Variants in GSG1L observed in about 807,000 individuals in gnomAD.
The protein encoded by GSG1L is GSG1 like, also known as germ cell-specific gene 1-like protein.
A neutral mutation model predicts 42.1 loss-of-function variants in GSG1L; 24 were observed. The ratio of observed to expected loss-of-function variants is 0.57; its 90% CI spans 0.41 to 0.80. GSG1L has a LOEUF of 0.80. Among genes scored for constraint, GSG1L ranks in the 30% least tolerant of loss-of-function variants. The pLI is 0.00. For missense variants in GSG1L, 445 were observed against 472.2 expected (o/e 0.94, Z 0.53); for synonymous variants, 215 against 203.5 (o/e 1.06, Z -0.48).
intron 1 of GSG1L, among the ~76,000 whole-genome samples, chr16:28,051,920 A>G (rs967804815): frequency 6.6e-6 from 1 of 152,166 alleles, no homozygotes; most frequent in Admixed American, 6.5e-5. Context: ...GATAAACAGA[A>G]GCAGGATGAC....
intron 2 of GSG1L, among the ~76,000 whole-genome samples, chr16:27,910,389 C>A (rs891700144): frequency 6.6e-6 from 1 of 152,156 alleles, no homozygotes; most frequent in Non-Finnish European, 1.5e-5. Flanking sequence ...ACTACTCATG[C>A]TGTTTGAATC....
intron 1 of GSG1L, among the ~76,000 whole-genome samples, chr16:28,043,125 A>G (rs2086125940): frequency 6.6e-6 from 1 of 152,174 alleles, no homozygotes; most frequent in Non-Finnish European, 1.5e-5. Context: ...AGGGGCAGAG[A>G]GAATGTTTCT....
chr16:27,833,908 A>C (rs1286883703), intron 4 of GSG1L, among the ~76,000 whole-genome samples: 1 of 152,142 alleles, frequency 6.6e-6, no homozygotes, highest in Non-Finnish European at 1.5e-5. Flanking sequence ...TATTTCTATT[A>C]CAATCTGTAT....
At chr16:27,923,107 T>C (rs1326675214) in intron 2 of GSG1L, among the ~76,000 whole-genome samples, 1 of 152,150 alleles carries the variant, frequency 6.6e-6, no homozygotes, top group African/African-American at 2.4e-5. Flanking sequence ...AACATACTAT[T>C]TGCATGAACT....
At chr16:28,058,721 C>T (rs1567573606) in intron 1 of GSG1L, among the ~76,000 whole-genome samples, 1 of 151,840 alleles carries the variant, frequency 6.6e-6, no homozygotes, top group Non-Finnish European at 1.5e-5. Flanking sequence ...TGAAACACAT[C>T]GAATATGACA....
intron 1 of GSG1L, among the ~76,000 whole-genome samples, chr16:28,035,019 A>G (rs1411727702): frequency 6.6e-6 from 1 of 151,932 alleles, no homozygotes; most frequent in African/African-American, 2.4e-5. Context: ...GTGTTTTATT[A>G]TTATTGTTAT....
chr16:27,867,813 C>T (rs1489363341), intron 3 of GSG1L, among the ~76,000 whole-genome samples: 1 of 152,110 alleles, frequency 6.6e-6, no homozygotes, highest in Non-Finnish European at 1.5e-5. Context: ...TGAGGCCACG[C>T]CCCCTGAGGC....
chr16:27,944,763 G>A (rs1226913936), intron 2 of GSG1L, among the ~76,000 whole-genome samples: 1 of 151,900 alleles, frequency 6.6e-6, no homozygotes, highest in Non-Finnish European at 1.5e-5. Context: ...CCTATAATTA[G>A]CAAATCTATA....
In GSG1L at chr16:28,040,766, G is replaced by A. The variant is rs912925469; in HGVS notation, c.349+22310C>T. ...GGTGGCTCTGGAGCCCCACATGCCCGCCCCAGGCAGGGTAGTGCTGACTGG... is the reference window on the plus strand; with the variant it reads ...GGTGGCTCTGGAGCCCCACATGCCCACCCCAGGCAGGGTAGTGCTGACTGG... On this transcript the variant is annotated intron_variant, in intron 1 of 6. Coordinates refer to ENST00000447459, the MANE Select transcript of GSG1L (RefSeq NM_001109763.2). The surrounding 1 kb of genome is among the most constrained non-coding windows in gnomAD (Gnocchi z 4.1). 3.3e-5 allele frequency among the ~76,000 whole-genome samples: 5 copies of A among 152,148 alleles called. No homozygotes were observed. The highest frequency in any genetic ancestry group is 9.7e-5 in the African/African-American group (4 of 41,446).
Position 28,009,529 on chromosome 16 carries a change from G to A in GSG1L, c.350-46326C>T, listed in dbSNP as rs549547860. 3.3e-5 allele frequency among the ~76,000 whole-genome samples: 5 copies of A among 152,268 alleles called. No homozygotes were observed. The South Asian group carries it at 6.2e-4, about 19-fold the overall frequency. Reference sequence around the variant, plus strand: ...CCTGTATCACTCACCACTGATTACCGAGTATCTGGTGCCTAGCACAGGGCG... The same window carrying A: ...CCTGTATCACTCACCACTGATTACCAAGTATCTGGTGCCTAGCACAGGGCG... On this transcript the variant is annotated intron_variant, in intron 1 of 6. Transcript: ENST00000447459.
chr16:27,911,286 T>TCG (rs2084387377), intron 2 of GSG1L, among the ~76,000 whole-genome samples: 4 of 150,710 alleles, frequency 2.7e-5, no homozygotes, highest in African/African-American at 9.8e-5. Flanking sequence ...TCTCTCTCTC[T>TCG]CTCTCTCTCC....
intron 1 of GSG1L, among the ~76,000 whole-genome samples, chr16:28,005,097 G>A (rs1034052608): frequency 1.2e-4 from 18 of 152,152 alleles, no homozygotes; most frequent in Admixed American, 8.5e-4. Context: ...GGCTGTGGGG[G>A]AAGGATCTGT....
chr16:27,806,759 T>G (rs1370504966), intron 6 of GSG1L, among the ~76,000 whole-genome samples: 1 of 152,198 alleles, frequency 6.6e-6, no homozygotes, highest in Non-Finnish European at 1.5e-5. Flanking sequence ...CCTCTGCCAG[T>G]GATTAGCTAA....
chr16:28,033,871 G>GTATATT (rs2085995894), intron 1 of GSG1L, among the ~76,000 whole-genome samples: 1 of 152,164 alleles, frequency 6.6e-6, no homozygotes, highest in African/African-American at 2.4e-5. Flanking sequence ...ATTAAGAAGA[G>GTATATT]AAAATCGCAC....
At position 28,011,079 on chromosome 16, in the gene GSG1L, G is replaced by A. The variant is rs115352410; in HGVS notation, c.350-47876C>T. Among the ~76,000 whole-genome samples the A allele has an allele frequency of 3.6e-3, 541 of 152,260 alleles. 1 individual carries two copies. Among genetic ancestry groups the A allele is most frequent in the African/African-American group, 0.012 (513 of 41,542 alleles). On this transcript the variant is annotated intron_variant, in intron 1 of 6. Coordinates refer to ENST00000447459, the MANE Select transcript of GSG1L (RefSeq NM_001109763.2). Reference sequence around the variant, plus strand: ...GAATGAAAGGCAGCCCTGTACACACGCCCAGATGGCTGTTTAGAAAAGAAC... The same window carrying A: ...GAATGAAAGGCAGCCCTGTACACACACCCAGATGGCTGTTTAGAAAAGAAC...
At chr16:27,976,519 C>T (rs1398347083) in intron 1 of GSG1L, among the ~76,000 whole-genome samples, 1 of 152,118 alleles carries the variant, frequency 6.6e-6, no homozygotes, top group East Asian at 1.9e-4. Context: ...GAATGTATGG[C>T]CACAGTGAGA....
At chr16:27,819,516 C>G (rs1482697771) in intron 5 of GSG1L, among the ~76,000 whole-genome samples, 1 of 152,144 alleles carries the variant, frequency 6.6e-6, no homozygotes, top group Non-Finnish European at 1.5e-5. Flanking sequence ...GGAGGGAGAA[C>G]AGACGTGAGG....
intron 3 of GSG1L, among the ~76,000 whole-genome samples, chr16:27,845,708 C>T (rs12927963): frequency 0.016 from 2,452 of 152,254 alleles, 24 homozygotes; most frequent in Non-Finnish European, 0.025. Context: ...TTATATTTCT[C>T]TTAGTACTAG....
chr16:27,990,838 C>T (rs111845872), intron 1 of GSG1L, among the ~76,000 whole-genome samples: 2 of 152,242 alleles, frequency 1.3e-5, no homozygotes, highest in South Asian at 2.1e-4. Context: ...TGGGTATATA[C>T]CCAGTAATGG....
Sources: gnomAD v4.1 joint callset for allele counts (sites outside exome capture counted in the v4.1 genomes callset) on GRCh38, gnomAD v4.1.1 for gene constraint, Gnocchi (gnomAD v3.1) non-coding constraint, MANE v1.5 for transcripts, NCBI Gene and HGNC (gene_info 2026-07-23, HGNC 2026-07-21) for gene names.